The following CDH3 variants were observed in gnomAD, a reference collection of about 807,000 sequenced individuals.
CDH3 encodes the protein cadherin 3.
CDH3 carries 54 observed loss-of-function variants against 82.0 expected under a neutral mutation model. That is an observed-to-expected ratio of 0.66 (90% CI 0.53 to 0.83). The LOEUF is 0.83. Among genes scored for constraint, CDH3 ranks in the 40% least tolerant of loss-of-function variants. The pLI, the probability that CDH3 is intolerant of heterozygous loss-of-function variation, is 0.00. For synonymous variants in CDH3, 446 were observed against 437.9 expected (o/e 1.02, Z -0.23); for missense variants, 1,054 against 1,084.6 (o/e 0.97, Z 0.40).
At chr16:68,697,463 G>A (rs1002052515) in intron 15 of CDH3, among the ~76,000 whole-genome samples, 2 of 152,180 alleles carry the variant, frequency 1.3e-5, no homozygotes, top group Non-Finnish European at 2.9e-5. Flanking sequence ...AGCCTCTGCT[G>A]TAGAAGACTT....
At chr16:68,654,338 T>G (rs1960344045) in intron 2 of CDH3, among the ~76,000 whole-genome samples, 1 of 143,438 alleles carries the variant, frequency 7.0e-6, no homozygotes, top group Admixed American at 7.1e-5. Flanking sequence ...GGATTACAGG[T>G]GTGAGCCACC....
intron 1 of CDH3, among the ~76,000 whole-genome samples, chr16:68,718,604 C>T (rs1040786125): frequency 6.6e-6 from 1 of 152,046 alleles, no homozygotes; most frequent in South Asian, 2.1e-4. Flanking sequence ...ATCGCTTGAA[C>T]CCGGGAGGTG....
chr16:68,719,067 A>T (rs1323227660), intron 1 of CDH3, among the ~76,000 whole-genome samples: 1 of 151,852 alleles, frequency 6.6e-6, no homozygotes, highest in Admixed American at 6.6e-5. Context: ...ACATGGTGAA[A>T]CCCCGTCTCT....
chr16:68,685,326 G>T lies in CDH3; in HGVS notation c.1546G>T (p.Val516Phe). The part of the protein sequence containing the change: ...EQFVRNNIYE[V>F]MVLAMDNGSP... The stretch of plus-strand genomic sequence containing the variant: ...GTTTGTGAGGAACAACATCTATGAA[G>T]TCATGGTCTTGGCCATGGACAATGG... The change falls in exon 11 of 16, where the codon GTC becomes TTC. Residue 516 changes from valine (V) to phenylalanine (F), a missense_variant. By Grantham distance (50) the Val-to-Phe change is conservative (BLOSUM62 -1). Transcript: ENST00000264012. 1 of 1,614,128 alleles carries T rather than the reference G, an allele frequency of 6.2e-7. No homozygotes were observed. The highest frequency in any genetic ancestry group is 8.5e-7 in the Non-Finnish European group (1 of 1,180,036).
chr16:68,694,404 T>A (rs1209641957), intron 13 of CDH3, among the ~76,000 whole-genome samples: 1 of 150,764 alleles, frequency 6.6e-6, no homozygotes. Flanking sequence ...GTTGGATCAC[T>A]TGAGGGTGGG....
intron 1 of CDH3, among the ~76,000 whole-genome samples, chr16:68,708,859 T>A (rs1961995604): frequency 6.6e-6 from 1 of 152,162 alleles, no homozygotes; most frequent in Non-Finnish European, 1.5e-5. Context: ...GTTAGGCTGA[T>A]CTCAATCTCC....
intron 1 of CDH3, among the ~76,000 whole-genome samples, chr16:68,716,216 G>GAA (rs879629618): frequency 1.8e-5 from 2 of 111,612 alleles, no homozygotes; most frequent in South Asian, 2.7e-4. Context: ...TGCAGTGAGA[G>GAA]AAAAAAAAAA....
downstream of CDH3, among the ~76,000 whole-genome samples, chr16:68,727,970 G>A (rs1238947598): frequency 6.6e-6 from 1 of 152,080 alleles, no homozygotes; most frequent in Non-Finnish European, 1.5e-5. Context: ...ATAGCAAACG[G>A]CTGTATGAAG....
intron 1 of CDH3, among the ~76,000 whole-genome samples, chr16:68,720,350 G>C (rs549179713): frequency 6.6e-6 from 1 of 152,078 alleles, no homozygotes; most frequent in South Asian, 2.1e-4. Context: ...CCCTGAATCA[G>C]ATCTTTGCAG....
intron 2 of CDH3, among the ~76,000 whole-genome samples, chr16:68,646,555 C>T (rs543337448): frequency 3.3e-5 from 5 of 150,962 alleles, no homozygotes; most frequent in Admixed American, 1.3e-4. Flanking sequence ...GGCGGTGCAA[C>T]GTTAGTGAGG....
chr16:68,706,751 G>T lies in CDH3; in HGVS notation c.99+10828G>T, dbSNP rs550614080. ...TATTTTTTGGTAGAGATAGGATTTC[G>T]CCATGTTGGTCAGGCTGGTCTCGAA... is the stretch of plus-strand genomic sequence containing the variant. On this transcript the variant is annotated intron_variant, in intron 1 of 2. Coordinates refer to the CDH3 transcript ENST00000569080. Among the ~76,000 whole-genome samples the T allele has an allele frequency of 2.6e-5, 4 of 151,818 alleles. No homozygotes were observed. The South Asian group carries it at 8.3e-4, about 32-fold the overall frequency.
Position 68,676,387 on chromosome 16 carries a change from T to G in CDH3, c.163T>G (p.Phe55Val). Reference sequence around the variant, plus strand: ...CTCTCTCTTCCCCTTCCCCACAGTATTCATGGGCTGCCCTGGGCAAGAGCC... The same window carrying G: ...CTCTCTCTTCCCCTTCCCCACAGTAGTCATGGGCTGCCCTGGGCAAGAGCC... ...QEPGQALGKV[F>V]MGCPGQEPAL... The change falls in exon 3 of 16, where the codon TTC (phenylalanine) becomes GTC (valine). Residue 55 changes from phenylalanine to valine, a missense_variant and splice_region_variant. Coordinates refer to ENST00000264012, the MANE Select transcript of CDH3 (RefSeq NM_001793.6). 6.2e-7 allele frequency: 1 copy of G among 1,612,344 alleles called. No individual in the cohort carries two copies. Among genetic ancestry groups the G allele is most frequent in the Non-Finnish European group, 8.5e-7 (1 of 1,178,340 alleles).
At chr16:68,700,490 T>C (rs1290640971), downstream of CDH3, among the ~76,000 whole-genome samples, 1 of 152,190 alleles carries the variant, frequency 6.6e-6, no homozygotes. Context: ...CCTCAGACTT[T>C]GGATGGAGAA....
intron 2 of CDH3, among the ~76,000 whole-genome samples, chr16:68,660,430 G>A (rs1235114561): frequency 1.3e-5 from 2 of 152,196 alleles, no homozygotes; most frequent in Non-Finnish European, 2.9e-5. Flanking sequence ...GATTGAGAAT[G>A]TGTCATCAGT....
At chr16:68,717,162 A>AT (rs759103768) in intron 1 of CDH3, among the ~76,000 whole-genome samples, 41 of 152,208 alleles carry the variant, frequency 2.7e-4, no homozygotes, top group Admixed American at 4.6e-4. Context: ...TGCATTTAAA[A>AT]TTTTTTTCTA....
intron 10 of CDH3, 51 bp from the exon 11 acceptor site, chr16:68,685,154 A>G (rs996652437): frequency 5.0e-6 from 8 of 1,604,260 alleles, no homozygotes; most frequent in Non-Finnish European, 6.8e-6. Flanking sequence ...GAATGATGAC[A>G]TCAGAATTCT....
At position 68,695,120 on chromosome 16, in the gene CDH3, A is replaced by C. The variant is rs1370753417; in HGVS notation, c.2003-135A>C. ...AAGAGTTGAAGTTTTCCTAGGTGCA[A>C]GTAAAGCCATTGTAGCATGTTAAGC... is the stretch of plus-strand genomic sequence containing the variant. On this transcript the variant is annotated intron_variant, in intron 13 of 15. Transcript: ENST00000264012. 5.0e-5 allele frequency: 48 copies of C among 952,200 alleles called. 1 individual carries two copies. The highest frequency in any genetic ancestry group is 2.5e-4 in the Middle Eastern group (1 of 4,056). The allele number at this position is 952,200 out of a possible 1,614,324, so 59.0% of individuals were successfully genotyped here.
chr16:68,647,497 C>G (rs895120608), intron 2 of CDH3, among the ~76,000 whole-genome samples: 1 of 152,078 alleles, frequency 6.6e-6, no homozygotes, highest in Non-Finnish European at 1.5e-5. Flanking sequence ...TCAGCTTTCT[C>G]GGATGTCTGC....
chr16:68,716,750 A>C (rs1015538405), intron 1 of CDH3, among the ~76,000 whole-genome samples: 3 of 151,588 alleles, frequency 2.0e-5, no homozygotes, highest in African/African-American at 7.3e-5. Flanking sequence ...TGGAGACAGG[A>C]TCTCACTCTG....
Sources: allele counts gnomAD v4.1 joint callset (sites outside exome capture counted in the v4.1 genomes callset), GRCh38; gene constraint gnomAD v4.1.1; transcripts MANE v1.5; gene names NCBI Gene and HGNC (gene_info 2026-07-23, HGNC 2026-07-21).